MYLK4: variants seen among roughly 807,000 people sequenced by gnomAD.
MYLK4 encodes the protein myosin light chain kinase family member 4, also known as caMLCK like.
In MYLK4, 46 loss-of-function variants were observed where a neutral mutation model predicts 48.1. The observed-to-expected ratio is 0.96, with a 90% confidence interval of 0.75 to 1.22. The LOEUF is 1.22. Ranked by LOEUF, MYLK4 falls within the 50% of genes most tolerant of loss-of-function variation. The pLI, the probability that MYLK4 is intolerant of heterozygous loss-of-function variation, is 0.00. For missense variants in MYLK4, 451 were observed against 486.1 expected, an observed-to-expected ratio of 0.93 and a Z score of 0.68; for synonymous variants, 170 against 180.8, an observed-to-expected ratio of 0.94 and a Z score of 0.48.
the MYLK4 span, chr6:2,765,980 G>C: frequency 7.1e-7 from 1 of 1,399,930 alleles, no homozygotes; most frequent in Non-Finnish European, 9.3e-7. Flanking sequence ...ACCCAGCGGC[G>C]CCCGCCTTAT....
At chr6:2,680,492 T>C in intron 7 of MYLK4, 1 of 985,422 alleles carries the variant, frequency 1.0e-6, no homozygotes, top group Non-Finnish European at 1.2e-6. Context: ...CCCTGCATTA[T>C]CCAGCCTGTC....
At chr6:2,761,797 G>A in the MYLK4 span, among the ~76,000 whole-genome samples, 4 of 152,168 alleles carry the variant, frequency 2.6e-5, no homozygotes, top group Non-Finnish European at 4.4e-5. Context: ...AGCTGTGGGA[G>A]ACATGCACAC....
At chr6:2,693,511 T>G (rs761233622) in intron 2 of MYLK4, among the ~76,000 whole-genome samples, 1 of 152,172 alleles carries the variant, frequency 6.6e-6, no homozygotes, top group Non-Finnish European at 1.5e-5. Flanking sequence ...AGTCCTGGAG[T>G]ATCTGAATTA....
At position 2,747,025 on chromosome 6, in the gene MYLK4, T is replaced by C. The variant is rs116732982; in HGVS notation, c.159+2111A>G. ...GGACGGAGAGAGACAGGGAAATTTA[T>C]TGCAGACATCTCTAGGCCCTTCTCC... On this transcript the variant is annotated intron_variant, in intron 2 of 12. Transcript: ENST00000274643. Among the ~76,000 whole-genome samples, 405 of 152,324 alleles carry C rather than the reference T, an allele frequency of 2.7e-3. 2 individuals carry two copies. Among genetic ancestry groups the C allele is most frequent in the African/African-American group, 9.4e-3 (390 of 41,564 alleles).
At chr6:2,735,620 G>T (rs1014173779) in intron 2 of MYLK4, among the ~76,000 whole-genome samples, 52 of 152,262 alleles carry the variant, frequency 3.4e-4, no homozygotes, top group Middle Eastern at 6.8e-3. Context: ...CCATGGGGAC[G>T]GAGCTGCAGC....
rs1312599136 is a variant in MYLK4 at position 2,666,363 on chromosome 6, C to T, written c.*1562G>A. ...TGGCCAACATGGAGAAACCCCATCT[C>T]TACTAAAAATGCAAAAATCAGCCGT... is the stretch of plus-strand genomic sequence containing the variant. On this transcript the variant is annotated 3_prime_UTR_variant, in exon 13 of 13. Coordinates refer to ENST00000274643, the MANE Select transcript of MYLK4 (RefSeq NM_001012418.5). 1 of 152,152 alleles carries T rather than the reference C, an allele frequency of 6.6e-6. No individual in the cohort carries two copies. Among genetic ancestry groups the T allele is most frequent in the Non-Finnish European group, 1.5e-5 (1 of 68,038 alleles). 9.4% of individuals were successfully genotyped at this position (152,152 alleles called of 1,614,324 possible). A position where few individuals can be genotyped will look rare whatever the true frequency, so the allele number is the denominator to read the frequency against.
At chr6:2,688,560 G>A (rs974780316) in intron 4 of MYLK4, among the ~76,000 whole-genome samples, 1 of 152,134 alleles carries the variant, frequency 6.6e-6, no homozygotes, top group Non-Finnish European at 1.5e-5. Flanking sequence ...TCTGTCTCCT[G>A]GAGGCTGCAC....
chr6:2,694,884 C>A (rs1305221996), intron 2 of MYLK4, among the ~76,000 whole-genome samples: 3 of 151,928 alleles, frequency 2.0e-5, no homozygotes, highest in Non-Finnish European at 4.4e-5. Context: ...ACCTAACTAC[C>A]ACCCTATACT....
rs375360627 is a variant in MYLK4, at chr6:2,683,101, C to A, written c.607G>T (p.Asp203Tyr). 4 of 1,614,032 alleles carry A rather than the reference C, an allele frequency of 2.5e-6. No homozygotes were observed. The African/African-American group carries it at 5.3e-5, about 22-fold the overall frequency. ...ATCTGCTTCATGAACAGGATGGTAT[C>A]AAGCTCCGTCAAATTGTAGCTCTCA... ...IDESYNLTEL[D>Y]TILFMKQICE... The change falls in exon 7 of 13, where the codon GAT (aspartate) becomes TAT (tyrosine). Residue 203 changes from aspartate to tyrosine, a missense_variant. Coordinates refer to ENST00000274643, the MANE Select transcript of MYLK4 (RefSeq NM_001012418.5).
chr6:2,714,815 G>C (rs1762808884), intron 2 of MYLK4, among the ~76,000 whole-genome samples: 1 of 152,222 alleles, frequency 6.6e-6, no homozygotes, highest in South Asian at 2.1e-4. Flanking sequence ...CTACAACATG[G>C]ATGAACCTTG....
intron 2 of MYLK4, among the ~76,000 whole-genome samples, chr6:2,696,342 A>G (rs1762059679): frequency 6.6e-6 from 1 of 152,200 alleles, no homozygotes; most frequent in Non-Finnish European, 1.5e-5. Context: ...ATCCCCCCCG[A>G]CGATATACGC....
In MYLK4 at chr6:2,673,486, T is replaced by G. The variant is rs1760977926; in HGVS notation, c.1119+1561A>C. Among the ~76,000 whole-genome samples, 1 of 152,194 alleles carries G rather than the reference T, an allele frequency of 6.6e-6. No individual in the cohort carries two copies. The highest frequency in any genetic ancestry group is 2.4e-5 in the African/African-American group (1 of 41,432). On this transcript the variant is annotated intron_variant, in intron 11 of 12. Transcript: ENST00000274643. This position sits in a 1 kb window ranked among gnomAD's most constrained non-coding sequence, Gnocchi z 4.2. Reference sequence around the variant, plus strand: ...TTTGTTGGTCAGTGAAAAAGTTCCATTCCAAAACCTCAGGAAATGGAGAGG... The same window carrying G: ...TTTGTTGGTCAGTGAAAAAGTTCCAGTCCAAAACCTCAGGAAATGGAGAGG...
intron 2 of MYLK4, among the ~76,000 whole-genome samples, chr6:2,734,969 T>C (rs1751541332): frequency 6.6e-6 from 1 of 152,214 alleles, no homozygotes; most frequent in East Asian, 1.9e-4. Context: ...GGAGCCACTC[T>C]GAGCAATCAG....
chr6:2,710,303 GT>G (rs1762629042), intron 2 of MYLK4, among the ~76,000 whole-genome samples: 1 of 152,086 alleles, frequency 6.6e-6, no homozygotes, highest in Non-Finnish European at 1.5e-5. Flanking sequence ...AGGCCCAGTT[GT>G]CCCACAGAAC....
At chr6:2,724,789 C>A (rs181025677) in intron 2 of MYLK4, among the ~76,000 whole-genome samples, 3 of 152,294 alleles carry the variant, frequency 2.0e-5, no homozygotes, top group Admixed American at 2.0e-4. Context: ...TGATTAAGAT[C>A]ATGTGACAGG....
the MYLK4 span, chr6:2,768,954 CA>C: frequency 6.9e-7 from 1 of 1,443,764 alleles, no homozygotes; most frequent in South Asian, 1.4e-5. Context: ...GATCACTATA[CA>C]AACGCTAGAG....
intron 2 of MYLK4, among the ~76,000 whole-genome samples, chr6:2,697,136 A>G (rs1762091507): frequency 6.6e-6 from 1 of 152,286 alleles, no homozygotes; most frequent in Non-Finnish European, 1.5e-5. Flanking sequence ...AAATAAATAT[A>G]TCGCGGAGTG....
intron 1 of MYLK4, among the ~76,000 whole-genome samples, chr6:2,750,078 A>G (rs1177554566): frequency 6.6e-6 from 1 of 152,176 alleles, no homozygotes; most frequent in African/African-American, 2.4e-5. Flanking sequence ...ACATATACGC[A>G]TGTCTATATG....
chr6:2,764,926 G>C, the MYLK4 span, among the ~76,000 whole-genome samples: 5 of 152,172 alleles, frequency 3.3e-5, no homozygotes, highest in African/African-American at 9.7e-5. Flanking sequence ...TAGAACACTG[G>C]TTTTCTATTG....
Sources: gnomAD v4.1 joint callset for allele counts (sites outside exome capture counted in the v4.1 genomes callset) on GRCh38, gnomAD v4.1.1 for gene constraint, Gnocchi (gnomAD v3.1) non-coding constraint, MANE v1.5 for transcripts, NCBI Gene and HGNC (gene_info 2026-07-23, HGNC 2026-07-21) for gene names.